DAPK1: variants seen among roughly 807,000 people sequenced by gnomAD.
DAPK1 encodes the protein death-associated protein kinase 1.
Under a neutral mutation model 144.9 loss-of-function variants are expected in DAPK1, and 56 were observed. The ratio of observed to expected loss-of-function variants is 0.39; its 90% CI spans 0.31 to 0.48. DAPK1 has a LOEUF of 0.48. DAPK1 is among the 20% of genes least tolerant of loss of function. The pLI is 0.95. For synonymous variants in DAPK1, 690 were observed against 749.0 expected, an observed-to-expected ratio of 0.92 and a Z score of 1.29; for missense variants, 1,454 against 1,875.4, an observed-to-expected ratio of 0.78 and a Z score of 4.15.
At position 87,589,142 on chromosome 9, in the gene DAPK1, C is replaced by G. The variant is rs1258703553; in HGVS notation, c.63-15812C>G. Among the ~76,000 whole-genome samples the G allele has an allele frequency of 6.7e-5, 10 of 148,646 alleles. No homozygotes were observed. In the Admixed American group the frequency reaches 6.8e-4, roughly 10 times the overall value. Reference sequence around the variant, plus strand: ...CAGGCTAGTCTCGAACTCCTGACCTCAGGTGATCCTCCCACCTTGGCCTAC... The same window carrying G: ...CAGGCTAGTCTCGAACTCCTGACCTGAGGTGATCCTCCCACCTTGGCCTAC... On this transcript the variant is annotated intron_variant, in intron 2 of 25. Transcript: ENST00000408954.
In DAPK1 at chr9:87,523,612, A is replaced by AT. The variant is rs1250299948; in HGVS notation, c.62+24478dup. On this transcript the variant is annotated intron_variant, in intron 2 of 25. Transcript: ENST00000408954. The stretch of plus-strand genomic sequence containing the variant: ...ACCGTGCCCAGCCCACTTTAAATTC[A>AT]TTTTTAAAATATTCTCTCATAATTT... 2.0e-5 allele frequency among the ~76,000 whole-genome samples: 3 copies of AT among 152,272 alleles called. No homozygotes were observed. The East Asian group carries it at 5.8e-4, about 29-fold the overall frequency.
intron 18 of DAPK1, among the ~76,000 whole-genome samples, chr9:87,658,793 G>A (rs1830723892): frequency 6.6e-6 from 1 of 152,186 alleles, no homozygotes. Context: ...AATATCATTC[G>A]AGTGTTTGCT....
intron 9 of DAPK1, 128 bp from the exon 10 acceptor site, chr9:87,641,841 C>G: frequency 1.4e-6 from 1 of 706,378 alleles, no homozygotes; most frequent in Admixed American, 2.8e-5. Flanking sequence ...GTTATCCCAA[C>G]TTCTTATGCT....
At chr9:87,639,576 C>T in intron 5 of DAPK1, 74 bp from the exon 6 acceptor site, 2 of 1,609,866 alleles carry the variant, frequency 1.2e-6, no homozygotes, top group Non-Finnish European at 1.7e-6. Flanking sequence ...GCTACATGTT[C>T]CTGGTTGTTG....
chr9:87,699,018 T>A (rs1240553281), intron 23 of DAPK1, among the ~76,000 whole-genome samples: 1 of 152,244 alleles, frequency 6.6e-6, no homozygotes, highest in East Asian at 1.9e-4. Context: ...TTTTAATATA[T>A]GTACATATAC....
chr9:87,604,928 A>G (rs772119666), intron 2 of DAPK1, 26 bp from the exon 3 acceptor site: 1 of 1,605,874 alleles, frequency 6.2e-7, no homozygotes, highest in Admixed American at 1.7e-5. Flanking sequence ...ATGAACGATA[A>G]AGAATCCTCC....
chr9:87,527,037 A>G (rs1343562632), intron 2 of DAPK1, among the ~76,000 whole-genome samples: 1 of 152,234 alleles, frequency 6.6e-6, no homozygotes, highest in Admixed American at 6.5e-5. Flanking sequence ...TGACTGTGAA[A>G]GAGGACACCT....
intron 19 of DAPK1, among the ~76,000 whole-genome samples, chr9:87,680,166 G>A (rs183557642): frequency 2.6e-5 from 4 of 151,900 alleles, no homozygotes; most frequent in African/African-American, 4.8e-5. Flanking sequence ...GTGCAGTGGC[G>A]TGATCTCCGC....
At chr9:87,563,572 C>T (rs541408755) in intron 2 of DAPK1, among the ~76,000 whole-genome samples, 18 of 152,164 alleles carry the variant, frequency 1.2e-4, no homozygotes, top group Non-Finnish European at 2.2e-4. Flanking sequence ...CAAGGTTAGA[C>T]CTTGCTCTTG....
chr9:87,661,604 G>A (rs1278286139), intron 18 of DAPK1, among the ~76,000 whole-genome samples: 3 of 152,060 alleles, frequency 2.0e-5, no homozygotes, highest in Admixed American at 2.0e-4. Flanking sequence ...TCATGTTTGT[G>A]GGCTTTCTGT....
At chr9:87,561,603 T>C (rs557728701) in intron 2 of DAPK1, among the ~76,000 whole-genome samples, 2 of 152,306 alleles carry the variant, frequency 1.3e-5, no homozygotes, top group East Asian at 3.9e-4. Flanking sequence ...TGATTTTTTA[T>C]TTCTCTGGGT....
At chr9:87,558,586 A>T (rs1376637708) in intron 2 of DAPK1, among the ~76,000 whole-genome samples, 1 of 152,226 alleles carries the variant, frequency 6.6e-6, no homozygotes, top group Non-Finnish European at 1.5e-5. Context: ...CCTTTCGACG[A>T]AAACGAACAA....
chr9:87,594,482 T>C (rs1587749150), intron 2 of DAPK1, among the ~76,000 whole-genome samples: 2 of 152,214 alleles, frequency 1.3e-5, no homozygotes, highest in East Asian at 1.9e-4. Context: ...ATCTGAAGCA[T>C]GTAGGATTCA....
At chr9:87,521,274 T>C (rs1423114033) in intron 2 of DAPK1, among the ~76,000 whole-genome samples, 1 of 152,090 alleles carries the variant, frequency 6.6e-6, no homozygotes, top group Admixed American at 6.5e-5. Flanking sequence ...TTGTCTCTTG[T>C]GAGCCAGCAC....
chr9:87,621,580 C>G (rs538191372), intron 3 of DAPK1, among the ~76,000 whole-genome samples: 58 of 152,284 alleles, frequency 3.8e-4, no homozygotes, highest in African/African-American at 1.3e-3. Flanking sequence ...ATTTTCCAGA[C>G]TCTGTGTTTC....
At chr9:87,647,961 G>A (rs1391324335) in intron 14 of DAPK1, among the ~76,000 whole-genome samples, 1 of 152,222 alleles carries the variant, frequency 6.6e-6, no homozygotes, top group Non-Finnish European at 1.5e-5. Flanking sequence ...TTAATTGGCT[G>A]TGCTGGAACC....
At position 87,676,392 on chromosome 9, in the gene DAPK1, G is replaced by A. The variant is rs36217080; in HGVS notation, c.2002-5012G>A. Among the ~76,000 whole-genome samples, 1,432 of 152,286 alleles carry A rather than the reference G, an allele frequency of 9.4e-3. 25 individuals carry two copies. The highest frequency in any genetic ancestry group is 0.032 in the African/African-American group (1,320 of 41,550). On this transcript the variant is annotated intron_variant, in intron 19 of 25. Transcript: ENST00000408954. ...TGCTTTCCCAGGGAGAGGCCTCTGCGCCACAACCCGTCCCTACCCGCCATC... is the reference window on the plus strand; with the variant it reads ...TGCTTTCCCAGGGAGAGGCCTCTGCACCACAACCCGTCCCTACCCGCCATC...
At chr9:87,591,180 T>C (rs1447805544) in intron 2 of DAPK1, among the ~76,000 whole-genome samples, 1 of 152,206 alleles carries the variant, frequency 6.6e-6, no homozygotes, top group Non-Finnish European at 1.5e-5. Flanking sequence ...ATGGCCCATG[T>C]GAGGTCCGTC....
At chr9:87,657,974 A>T (rs1170650521) in intron 17 of DAPK1, 55 bp from the exon 18 acceptor site, 1 of 743,608 alleles carries the variant, frequency 1.3e-6, no homozygotes, top group Non-Finnish European at 2.5e-6. Context: ...CCGGAATGTC[A>T]TCCTCAGCAA....
Sources: allele counts gnomAD v4.1 joint callset (sites outside exome capture counted in the v4.1 genomes callset), GRCh38; gene constraint gnomAD v4.1.1; transcripts MANE v1.5; gene names NCBI Gene and HGNC (gene_info 2026-07-23, HGNC 2026-07-21).